Variants in ARB2A observed in about 807,000 individuals in gnomAD.
ARB2A encodes the protein cotranscriptional regulator ARB2A.
At chr5:93,828,838 G>A in the ARB2A span, among the ~76,000 whole-genome samples, 17 of 152,200 alleles carry the variant, frequency 1.1e-4, no homozygotes, top group East Asian at 1.9e-4. Context: ...GTGTGGTGGC[G>A]CAATCTTGGC....
the ARB2A span, among the ~76,000 whole-genome samples, chr5:94,107,497 T>A: frequency 7.2e-6 from 1 of 139,554 alleles, no homozygotes; most frequent in Non-Finnish European, 1.6e-5. Context: ...GAGTATCTAA[T>A]AAATTATGAC....
At chr5:93,643,476 G>C in the ARB2A span, among the ~76,000 whole-genome samples, 1 of 152,116 alleles carries the variant, frequency 6.6e-6, no homozygotes, top group Non-Finnish European at 1.5e-5. Context: ...ATAGCCCATA[G>C]AATATGAAGA....
the ARB2A span, among the ~76,000 whole-genome samples, chr5:93,757,807 A>C: frequency 6.6e-6 from 1 of 152,192 alleles, no homozygotes; most frequent in Non-Finnish European, 1.5e-5. Flanking sequence ...AAAAACAAAA[A>C]TACAAGTTAA....
At chr5:94,019,038 C>T in the ARB2A span, among the ~76,000 whole-genome samples, 2 of 152,040 alleles carry the variant, frequency 1.3e-5, no homozygotes, top group South Asian at 2.1e-4. Context: ...CTTTGACAAA[C>T]CTGACAAAAA....
the ARB2A span, among the ~76,000 whole-genome samples, chr5:93,751,341 G>A: frequency 2.0e-5 from 3 of 152,184 alleles, no homozygotes; most frequent in Non-Finnish European, 4.4e-5. Context: ...GGTCAGATAT[G>A]TATGGCTGAA....
the ARB2A span, among the ~76,000 whole-genome samples, chr5:93,655,386 T>C: frequency 6.6e-6 from 1 of 152,234 alleles, no homozygotes; most frequent in Non-Finnish European, 1.5e-5. Context: ...TGGAAAACTT[T>C]ATACTGTCCT....
chr5:94,022,899 G>A, the ARB2A span, among the ~76,000 whole-genome samples: 1 of 152,208 alleles, frequency 6.6e-6, no homozygotes, highest in African/African-American at 2.4e-5. Flanking sequence ...TGCCCCATGA[G>A]TTAGGATTCT....
chr5:93,955,051 C>T, the ARB2A span, among the ~76,000 whole-genome samples: 4 of 152,220 alleles, frequency 2.6e-5, no homozygotes, highest in Admixed American at 1.3e-4. Flanking sequence ...GTGGCATCGG[C>T]GATTCAAGAG....
the ARB2A span, among the ~76,000 whole-genome samples, chr5:93,814,958 C>T: frequency 1.3e-5 from 2 of 152,160 alleles, no homozygotes; most frequent in Non-Finnish European, 2.9e-5. Flanking sequence ...CTGCCTCAGC[C>T]TCCCGAATAG....
chr5:93,889,288 G>A, the ARB2A span, among the ~76,000 whole-genome samples: 13 of 151,858 alleles, frequency 8.6e-5, no homozygotes, highest in African/African-American at 2.4e-4. Flanking sequence ...GTGTTTGTGC[G>A]TGTGTGCATG....
chr5:93,908,766 A>T, the ARB2A span, among the ~76,000 whole-genome samples: 3 of 150,994 alleles, frequency 2.0e-5, no homozygotes. Flanking sequence ...TTAGGTAAAG[A>T]GATTATTAAA....
At chr5:93,829,732 G>A in the ARB2A span, among the ~76,000 whole-genome samples, 5 of 152,104 alleles carry the variant, frequency 3.3e-5, no homozygotes, top group Non-Finnish European at 7.4e-5. Flanking sequence ...CCACACAGAA[G>A]AATGAATAAA....
the ARB2A span, among the ~76,000 whole-genome samples, chr5:93,976,983 A>C: frequency 6.6e-6 from 1 of 152,118 alleles, no homozygotes; most frequent in Non-Finnish European, 1.5e-5. Context: ...AACCAAATTA[A>C]GAATGCAATA....
chr5:93,706,729 G>A, the ARB2A span, among the ~76,000 whole-genome samples: 2 of 152,092 alleles, frequency 1.3e-5, no homozygotes, highest in Non-Finnish European at 2.9e-5. Context: ...AGCCAGGCGT[G>A]GTGGCTCATG....
chr5:93,760,434 G>A, the ARB2A span, among the ~76,000 whole-genome samples: 3 of 152,064 alleles, frequency 2.0e-5, no homozygotes, highest in Non-Finnish European at 2.9e-5. Flanking sequence ...AAAAGAACCT[G>A]CATAGCCAAA....
the ARB2A span, among the ~76,000 whole-genome samples, chr5:93,668,823 A>T: frequency 2.6e-5 from 4 of 152,062 alleles, no homozygotes; most frequent in Admixed American, 2.6e-4. Context: ...CTCCTTATTG[A>T]TCATCAGACC....
the ARB2A span, among the ~76,000 whole-genome samples, chr5:93,746,764 C>T: frequency 1.3e-5 from 2 of 152,020 alleles, no homozygotes; most frequent in Non-Finnish European, 2.9e-5. Context: ...GTATAAAAAC[C>T]CTGCAGCCTG....
the ARB2A span, among the ~76,000 whole-genome samples, chr5:93,680,345 G>T: frequency 1.3e-5 from 2 of 152,022 alleles, no homozygotes; most frequent in Non-Finnish European, 2.9e-5. Context: ...AAAAAATGGA[G>T]ATTCCCCCAA....
At chr5:93,984,991 C>T in the ARB2A span, among the ~76,000 whole-genome samples, 1 of 152,174 alleles carries the variant, frequency 6.6e-6, no homozygotes, top group South Asian at 2.1e-4. Context: ...TGTATTCACC[C>T]TCATTCTATC....
Sources: gnomAD v4.1 joint callset for allele counts (sites outside exome capture counted in the v4.1 genomes callset) on GRCh38, gnomAD v4.1.1 for gene constraint, MANE v1.5 for transcripts, NCBI Gene and HGNC (gene_info 2026-07-23, HGNC 2026-07-21) for gene names.